RALGAPA2: variants seen among roughly 807,000 people sequenced by gnomAD.
The protein encoded by RALGAPA2 is Ral GTPase activating protein catalytic subunit alpha 2.
In RALGAPA2, 139 loss-of-function variants were observed where a neutral mutation model predicts 230.4. The ratio of observed to expected loss-of-function variants is 0.60; its 90% CI spans 0.53 to 0.69. The LOEUF is 0.69. Ranked by LOEUF, RALGAPA2 falls within the 30% of genes least tolerant of loss-of-function variation. The probability of loss-of-function intolerance (pLI) is 0.00; values close to 1 mark genes in which losing one functional copy is unlikely to be tolerated. For synonymous variants in RALGAPA2, 847 were observed against 837.8 expected, an observed-to-expected ratio of 1.01 and a Z score of -0.19; for missense variants, 2,163 against 2,276.0, an observed-to-expected ratio of 0.95 and a Z score of 1.01.
chr20:20,511,180 C>A, intron 33 of RALGAPA2, 74 bp downstream of exon 33: 1 of 1,530,230 alleles, frequency 6.5e-7, no homozygotes. Context: ...CTATTCATTC[C>A]TGCTGTTGTA....
At chr20:20,622,961 T>C (rs1309454867) in intron 10 of RALGAPA2, among the ~76,000 whole-genome samples, 1 of 152,166 alleles carries the variant, frequency 6.6e-6, no homozygotes, top group Non-Finnish European at 1.5e-5. Flanking sequence ...AAAGTTGAAA[T>C]TAATGCTAGC....
chr20:20,571,492 A>G lies in RALGAPA2; in HGVS notation c.3122T>C (p.Leu1041Pro), dbSNP rs1376759129. The G allele has an allele frequency of 6.2e-7, 1 of 1,612,836 alleles. No individual in the cohort carries two copies. ...GCTGGTTAATCCCAGGTGCATCACA[A>G]GGTAAAAATGCACCAGGAAATCTGA... ...PNSDFLVHFY[L>P]VMHLGLTSED... Residue 1041 changes from leucine to proline, a missense_variant, in exon 23 of 40, where the codon CTT becomes CCT. Coordinates refer to ENST00000202677, the MANE Select transcript of RALGAPA2 (RefSeq NM_020343.4).
rs1555833900 is a variant in RALGAPA2 at position 20,712,603 on chromosome 20, T to TGCCGCCGCCGCCGCCGCTGCCGCCGCC, written c.-124_-123insGGCGGCGGCAGCGGCGGCGGCGGCGGC. The TGCCGCCGCCGCCGCCGCTGCCGCCGCC allele has an allele frequency of 3.4e-6, 4 of 1,171,346 alleles. No homozygotes were observed. In the Admixed American group the frequency reaches 1.4e-4, roughly 41 times the overall value. The allele number at this position is 1,171,346 out of a possible 1,614,324, so 72.6% of individuals were successfully genotyped here. On this transcript the variant is annotated 5_prime_UTR_variant, in exon 1 of 40. Coordinates refer to ENST00000202677, the MANE Select transcript of RALGAPA2 (RefSeq NM_020343.4). The surrounding 1 kb of genome is among the most constrained non-coding windows in gnomAD (Gnocchi z 5.5). ...CACTCGCCGCCCCCAGCCCCGCTGC[T>TGCCGCCGCCGCCGCCGCTGCCGCCGCC]GCCGCCGCCGCCGCCGCCGCCGCCG...
At chr20:20,647,866 T>C (rs889370131) in intron 4 of RALGAPA2, among the ~76,000 whole-genome samples, 2 of 152,134 alleles carry the variant, frequency 1.3e-5, no homozygotes, top group African/African-American at 2.4e-5. Flanking sequence ...ATAACAAATG[T>C]TGAAGAGAAC....
chr20:20,463,441 G>A (rs143320346), intron 37 of RALGAPA2, among the ~76,000 whole-genome samples: 1 of 152,104 alleles, frequency 6.6e-6, no homozygotes, highest in Non-Finnish European at 1.5e-5. Flanking sequence ...AAGGAGCCGT[G>A]TGATATAAGT....
chr20:20,657,169 A>G (rs1018262900), intron 3 of RALGAPA2, among the ~76,000 whole-genome samples: 2 of 152,238 alleles, frequency 1.3e-5, no homozygotes, highest in African/African-American at 4.8e-5. Flanking sequence ...GAAAGGGAAA[A>G]GACGGCAGCA....
chr20:20,616,109 G>C lies in RALGAPA2; in HGVS notation c.1622C>G (p.Ala541Gly), dbSNP rs1370257268. 6.4e-7 allele frequency: 1 copy of C among 1,556,290 alleles called. No individual in the cohort carries two copies. Among genetic ancestry groups the C allele is most frequent in the Non-Finnish European group, 8.7e-7 (1 of 1,149,628 alleles). The change falls in exon 13 of 40, where the codon GCT becomes GGT. Residue 541 changes from alanine to glycine, a missense_variant. Transcript: ENST00000202677. Reference sequence around the variant, plus strand: ...AAAAATAATCAAAACAGCTTTACAAGCATCAACTTGTTCTTTCAAGAGCAC... The same window carrying C: ...AAAAATAATCAAAACAGCTTTACAACCATCAACTTGTTCTTTCAAGAGCAC... ...VPVLLKEQVD[A>G]CKAVLIIFRR...
intron 24 of RALGAPA2, among the ~76,000 whole-genome samples, chr20:20,544,903 G>C (rs1216318206): frequency 2.0e-5 from 3 of 152,130 alleles, no homozygotes; most frequent in Non-Finnish European, 4.4e-5. Context: ...ATAGCATTAG[G>C]AGAAATACCT....
chr20:20,536,198 A>T (rs1377586148), intron 25 of RALGAPA2, among the ~76,000 whole-genome samples: 1 of 152,252 alleles, frequency 6.6e-6, no homozygotes, highest in Admixed American at 6.5e-5. Context: ...CCTCAAAGTC[A>T]GCTGAGGAGA....
intron 16 of RALGAPA2, among the ~76,000 whole-genome samples, chr20:20,592,063 A>G (rs529674752): frequency 6.6e-6 from 1 of 151,896 alleles, no homozygotes; most frequent in South Asian, 2.1e-4. Flanking sequence ...TTATCACCCC[A>G]CCCTCTCTTT....
At chr20:20,574,763 A>G (rs936759251) in intron 20 of RALGAPA2, among the ~76,000 whole-genome samples, 3 of 152,154 alleles carry the variant, frequency 2.0e-5, no homozygotes, top group Admixed American at 6.5e-5. Context: ...AGACAATTCT[A>G]TCTCTATTTG....
Position 20,601,668 on chromosome 20 carries a change from A to G in RALGAPA2, c.2203+14T>C. 6.2e-7 allele frequency: 1 copy of G among 1,605,406 alleles called. No homozygotes were observed. Among genetic ancestry groups the G allele is most frequent in the Admixed American group, 1.7e-5 (1 of 58,310 alleles). On this transcript the variant is annotated intron_variant, in intron 16 of 39. Transcript: ENST00000202677. The stretch of plus-strand genomic sequence containing the variant: ...ACAATTAGATTTTTGAGAAGCATTT[A>G]AATAAATGTTTACCAGTTGCTTTTT...
At chr20:20,601,965 C>A in intron 15 of RALGAPA2, 119 bp from the exon 16 acceptor site, 1 of 896,354 alleles carries the variant, frequency 1.1e-6, no homozygotes, top group Non-Finnish European at 1.5e-6. Flanking sequence ...TTCCTTGTCA[C>A]AAATTAAGTA....
Position 20,443,775 on chromosome 20 carries a change from C to T in RALGAPA2, c.5495+29054G>A, listed in dbSNP as rs114455140. Among the ~76,000 whole-genome samples, 966 of 152,358 alleles carry T rather than the reference C, an allele frequency of 6.3e-3. 8 individuals carry two copies. Among genetic ancestry groups the T allele is most frequent in the African/African-American group, 0.022 (933 of 41,588 alleles). On this transcript the variant is annotated intron_variant, in intron 37 of 39. Coordinates refer to ENST00000202677, the MANE Select transcript of RALGAPA2 (RefSeq NM_020343.4). ...AACACAGTGGTGCCCACATGAAGTG[C>T]TTAGTACAGTGCACAACAAAAGCTA... is the stretch of plus-strand genomic sequence containing the variant.
At chr20:20,554,403 G>A (rs768964939) in intron 23 of RALGAPA2, among the ~76,000 whole-genome samples, 83 of 152,022 alleles carry the variant, frequency 5.5e-4, no homozygotes, top group Middle Eastern at 6.8e-3. Context: ...TGTTTTGTTC[G>A]TCTTTTCATC....
intron 9 of RALGAPA2, among the ~76,000 whole-genome samples, chr20:20,633,494 G>A (rs1229724438): frequency 3.3e-5 from 5 of 151,796 alleles, no homozygotes; most frequent in African/African-American, 1.2e-4. Context: ...ACACTCTCCT[G>A]GATTTTCCCT....
rs935917545 is a variant in RALGAPA2 at position 20,468,762 on chromosome 20, C to T, written c.5495+4067G>A. ...CTGTTCTCATACCACCAAGAGACCA[C>T]CGTTCTATTCTTCTCATTCTCTCCA... On this transcript the variant is annotated intron_variant, in intron 37 of 39. Transcript: ENST00000202677. Among the ~76,000 whole-genome samples, 37 of 152,196 alleles carry T rather than the reference C, an allele frequency of 2.4e-4. 1 individual carries two copies. The highest frequency in any genetic ancestry group is 8.9e-4 in the African/African-American group (37 of 41,508).
At chr20:20,504,702 G>C (rs941167484) in intron 34 of RALGAPA2, among the ~76,000 whole-genome samples, 6 of 151,772 alleles carry the variant, frequency 4.0e-5, no homozygotes, top group Non-Finnish European at 8.8e-5. Flanking sequence ...CTCCAGCCTG[G>C]TGAAAGAGCA....
intron 39 of RALGAPA2, among the ~76,000 whole-genome samples, chr20:20,395,417 G>C (rs1029025935): frequency 6.6e-6 from 1 of 152,266 alleles, no homozygotes; most frequent in Non-Finnish European, 1.5e-5. Context: ...TCCTCCCGGT[G>C]ATGGAAGCCA....
Sources: gnomAD v4.1 joint callset for allele counts (sites outside exome capture counted in the v4.1 genomes callset) on GRCh38, gnomAD v4.1.1 for gene constraint, Gnocchi (gnomAD v3.1) non-coding constraint, MANE v1.5 for transcripts, NCBI Gene and HGNC (gene_info 2026-07-23, HGNC 2026-07-21) for gene names.